PTAFR: variants seen among roughly 807,000 people sequenced by gnomAD.
PTAFR encodes platelet-activating factor receptor.
In PTAFR, 8 loss-of-function variants were observed where a neutral mutation model predicts 14.7. The ratio of observed to expected loss-of-function variants is 0.54; its 90% CI spans 0.32 to 0.98. The LOEUF is 0.98. Ranked by LOEUF, PTAFR falls within the 50% of genes least tolerant of loss-of-function variation. PTAFR has a pLI of 0.04. For synonymous variants in PTAFR, 156 were observed against 176.5 expected, an observed-to-expected ratio of 0.88 and a Z score of 0.92; for missense variants, 337 against 451.2, an observed-to-expected ratio of 0.75 and a Z score of 2.29.
At chr1:28,155,162 T>A (rs1038172185) in intron 1 of PTAFR, among the ~76,000 whole-genome samples, 7 of 152,146 alleles carry the variant, frequency 4.6e-5, no homozygotes, top group African/African-American at 1.7e-4. Flanking sequence ...AATACCCATC[T>A]TGCTGTTTTG....
chr1:28,176,271 C>T (rs188719087), intron 1 of PTAFR, among the ~76,000 whole-genome samples: 237 of 151,802 alleles, frequency 1.6e-3, no homozygotes, highest in African/African-American at 5.3e-3. Flanking sequence ...GGCAAGACCT[C>T]GTCTCCACAA....
upstream of PTAFR, among the ~76,000 whole-genome samples, chr1:28,178,083 A>G (rs1437777069): frequency 6.6e-6 from 1 of 152,036 alleles, no homozygotes; most frequent in African/African-American, 2.4e-5. Context: ...CAGAGAGGGA[A>G]ACTGAGGTCC....
At chr1:28,169,163 A>G (rs1056031703) in intron 1 of PTAFR, among the ~76,000 whole-genome samples, 1 of 152,184 alleles carries the variant, frequency 6.6e-6, no homozygotes, top group Non-Finnish European at 1.5e-5. Flanking sequence ...TGGGAGGCCA[A>G]AATGAGTGGA....
Position 28,149,952 on chromosome 1 carries a change from G to A in PTAFR, c.*41C>T. On this transcript the variant is annotated 3_prime_UTR_variant, in exon 2 of 2. Coordinates refer to ENST00000373857, the MANE Select transcript of PTAFR (RefSeq NM_000952.5). ...CCCTTCTTCCCCCAGCTCAGTCCAT[G>A]ATGTTCATGGAGGAGAAGACTTCAG... 1 of 1,577,196 alleles carries A rather than the reference G, an allele frequency of 6.3e-7. No homozygotes were observed. Among genetic ancestry groups the A allele is most frequent in the East Asian group, 2.2e-5 (1 of 44,708 alleles).
chr1:28,170,162 C>T (rs1646436058), intron 1 of PTAFR, among the ~76,000 whole-genome samples: 1 of 152,222 alleles, frequency 6.6e-6, no homozygotes, highest in South Asian at 2.1e-4. Flanking sequence ...GTTGATTTCT[C>T]TCTCCTTTTG....
chr1:28,163,385 G>A (rs573323747), intron 1 of PTAFR, among the ~76,000 whole-genome samples: 19 of 152,196 alleles, frequency 1.2e-4, no homozygotes, highest in African/African-American at 3.1e-4. Flanking sequence ...TCCCAGTGTC[G>A]GGCACCGAGG....
At chr1:28,153,330 C>G (rs561910547) in intron 1 of PTAFR, among the ~76,000 whole-genome samples, 1 of 152,072 alleles carries the variant, frequency 6.6e-6, no homozygotes, top group Non-Finnish European at 1.5e-5. Context: ...TAGGAGCTGC[C>G]CTGTTATTTA....
chr1:28,149,463 A>G lies in PTAFR; in HGVS notation c.*530T>C, dbSNP rs1425558612. The G allele has an allele frequency of 3.3e-5, 5 of 153,102 alleles. No homozygotes were observed. The highest frequency in any genetic ancestry group is 1.2e-4 in the African/African-American group (5 of 41,072). 9.5% of individuals were successfully genotyped at this position (153,102 alleles called of 1,614,324 possible). A position where few individuals can be genotyped will look rare whatever the true frequency, so the allele number is the denominator to read the frequency against. ...ATTCTCCTGCCTCAGCCTCCTGAGT[A>G]GCTGGGACTACAGGCGTGTGCCACC... On this transcript the variant is annotated 3_prime_UTR_variant, in exon 2 of 2. Transcript: ENST00000373857.
Position 28,150,209 on chromosome 1 carries a change from A to G in PTAFR, c.813T>C (p.Ile271=). Residue 271 remains isoleucine (I), a synonymous_variant, in exon 2 of 2, where the codon ATT becomes ATC. Transcript: ENST00000373857. The surrounding 1 kb of genome is among the most constrained non-coding windows in gnomAD (Gnocchi z 6.3). The part of the protein sequence containing the change: ...GFQDSKFHQA[I]NDAHQVTLCL... ...AGAGGGTGACCTGATGTGCATCATT[A>G]ATGGCCTGGTGGAATTTGCTGTCCT... The G allele has an allele frequency of 1.9e-6, 3 of 1,613,954 alleles. No individual in the cohort carries two copies. The highest frequency in any genetic ancestry group is 2.5e-6 in the Non-Finnish European group (3 of 1,179,838).
intron 1 of PTAFR, among the ~76,000 whole-genome samples, chr1:28,189,256 A>C (rs182018620): frequency 1.3e-5 from 2 of 152,334 alleles, no homozygotes; most frequent in Admixed American, 6.5e-5. Flanking sequence ...CATTTGTATG[A>C]TTCTTCAGTG....
At chr1:28,162,171 C>T (rs959233732) in intron 1 of PTAFR, among the ~76,000 whole-genome samples, 1 of 152,148 alleles carries the variant, frequency 6.6e-6, no homozygotes, top group Non-Finnish European at 1.5e-5. Flanking sequence ...CGGACTCGCT[C>T]TAGCTGTCAG....
At chr1:28,173,040 C>T (rs1646468455) in intron 1 of PTAFR, among the ~76,000 whole-genome samples, 1 of 131,992 alleles carries the variant, frequency 7.6e-6, no homozygotes, top group African/African-American at 3.0e-5. Flanking sequence ...GAAGCCAAGG[C>T]AGGAGATGGC....
At position 28,150,637 on chromosome 1, in the gene PTAFR, T is replaced by C; in HGVS notation, c.385A>G (p.Asn129Asp). The C allele has an allele frequency of 6.2e-7, 1 of 1,614,120 alleles. No individual in the cohort carries two copies. The highest frequency in any genetic ancestry group is 1.1e-5 in the South Asian group (1 of 91,084). ...VTRPIKTAQANTRKRGISLSL... is the reference protein window; with the variant it reads ...VTRPIKTAQADTRKRGISLSL... ...AAAGAGATGCCACGCTTGCGGGTGT[T>C]GGCCTGAGCAGTCTTGATGGGCCGA... The change falls in exon 2 of 2, where the codon AAC (asparagine) becomes GAC (aspartate). Residue 129 changes from asparagine to aspartate, a missense_variant. Transcript: ENST00000373857. This position sits in a 1 kb window ranked among gnomAD's most constrained non-coding sequence, Gnocchi z 6.3.
upstream of PTAFR, among the ~76,000 whole-genome samples, chr1:28,177,500 C>T (rs528243740): frequency 8.5e-5 from 13 of 152,248 alleles, no homozygotes; most frequent in Admixed American, 3.3e-4. Context: ...GGGATCCTTC[C>T]GCCTCAGCTT....
chr1:28,187,630 G>A lies in PTAFR; in HGVS notation c.-39+6092C>T, dbSNP rs111411873. ...AGCCATCCTCCCACTTGAGCCTCCCGAGTAGCTAGGAATAGAGGCACCGTG... is the reference window on the plus strand; with the variant it reads ...AGCCATCCTCCCACTTGAGCCTCCCAAGTAGCTAGGAATAGAGGCACCGTG... On this transcript the variant is annotated intron_variant, in intron 1 of 1. Coordinates refer to the PTAFR transcript ENST00000305392. Among the ~76,000 whole-genome samples the A allele has an allele frequency of 1.9e-3, 290 of 152,082 alleles. 1 individual carries two copies. Among genetic ancestry groups the A allele is most frequent in the Non-Finnish European group, 3.0e-3 (205 of 67,984 alleles).
intron 1 of PTAFR, among the ~76,000 whole-genome samples, chr1:28,161,334 T>C (rs1330068355): frequency 1.3e-5 from 2 of 152,202 alleles, no homozygotes; most frequent in Non-Finnish European, 2.9e-5. Context: ...TTGGGCACTA[T>C]GTTGGGGAGA....
At position 28,150,791 on chromosome 1, in the gene PTAFR, G is replaced by A; in HGVS notation, c.231C>T (p.Tyr77=). 1.2e-6 allele frequency: 2 copies of A among 1,614,108 alleles called. No individual in the cohort carries two copies. The highest frequency in any genetic ancestry group is 1.7e-6 in the Non-Finnish European group (2 of 1,180,026). The change falls in exon 2 of 2, where the codon TAC becomes TAT. Residue 77 remains tyrosine (Y), a synonymous_variant. Coordinates refer to ENST00000373857, the MANE Select transcript of PTAFR (RefSeq NM_000952.5). The surrounding 1 kb of genome is among the most constrained non-coding windows in gnomAD (Gnocchi z 6.3). ...GGAGTATCCAGTTGCCCTGGTTTTG[G>A]TAGTAGACAATCCAAAGTGGCAGGG... ...LITLPLWIVY[Y]QNQGNWILPK...
intron 1 of PTAFR, among the ~76,000 whole-genome samples, chr1:28,167,007 T>C (rs539862341): frequency 6.6e-6 from 1 of 152,056 alleles, no homozygotes; most frequent in Non-Finnish European, 1.5e-5. Flanking sequence ...TAATTAGTTA[T>C]TTACATTAAA....
rs1646649844 is a variant in PTAFR at position 28,191,265 on chromosome 1, AGGTTT to A, written c.-39+2452_-39+2456del. Among the ~76,000 whole-genome samples, 3 of 152,188 alleles carry A rather than the reference AGGTTT, an allele frequency of 2.0e-5. No individual in the cohort carries two copies. In the South Asian group the frequency reaches 6.2e-4, roughly 31 times the overall value. ...AATTCAAAGGCAGGGAGGTCCCTAG[AGGTTT>A]AGGGCAGCAGAGGACTTAAGTTGGA... On this transcript the variant is annotated intron_variant, in intron 1 of 1. Transcript: ENST00000305392.
Sources: gnomAD v4.1 joint callset for allele counts (sites outside exome capture counted in the v4.1 genomes callset) on GRCh38, gnomAD v4.1.1 for gene constraint, Gnocchi (gnomAD v3.1) non-coding constraint, MANE v1.5 for transcripts, NCBI Gene and HGNC (gene_info 2026-07-23, HGNC 2026-07-21) for gene names.